Variants in PPIL1 observed in about 807,000 individuals in gnomAD.
The protein encoded by PPIL1 is peptidyl-prolyl cis-trans isomerase-like 1.
PPIL1 carries 14 observed loss-of-function variants against 19.4 expected under a neutral mutation model. The observed-to-expected ratio is 0.72, with a 90% CI of 0.48 to 1.13. The LOEUF is 1.13. Among genes scored for constraint, PPIL1 ranks in the 50% most tolerant of loss-of-function variants. PPIL1 has a pLI of 0.00. For missense variants in PPIL1, 192 were observed against 218.0 expected (o/e 0.88, Z 0.75); for synonymous variants, 72 against 73.6 (o/e 0.98, Z 0.11).
At chr6:36,868,160 T>A (rs142538653) in intron 2 of PPIL1, among the ~76,000 whole-genome samples, 8 of 152,068 alleles carry the variant, frequency 5.3e-5, no homozygotes, top group African/African-American at 1.7e-4. Flanking sequence ...AAAGACAAGA[T>A]AATACACCAC....
At chr6:36,873,165 A>G (rs1480202578) in intron 1 of PPIL1, among the ~76,000 whole-genome samples, 1 of 152,258 alleles carries the variant, frequency 6.6e-6, no homozygotes, top group Non-Finnish European at 1.5e-5. Context: ...TTGGAAAGAC[A>G]ATCAGGAAGT....
At chr6:36,873,048 A>T (rs1417489267) in intron 1 of PPIL1, among the ~76,000 whole-genome samples, 2 of 152,228 alleles carry the variant, frequency 1.3e-5, no homozygotes, top group East Asian at 3.8e-4. Flanking sequence ...TTCATCTTTC[A>T]CACTGCTCCC....
intron 2 of PPIL1, among the ~76,000 whole-genome samples, chr6:36,860,959 T>G (rs1395389423): frequency 6.6e-6 from 1 of 152,190 alleles, no homozygotes; most frequent in East Asian, 1.9e-4. Context: ...TCTGTAGTGT[T>G]CACCTCACTG....
Position 36,855,699 on chromosome 6 carries a change from A to G in PPIL1, c.*114T>C. ...ACTCACCCAAGATGCCAGGCCTCCT[A>G]AGCTTCATGACTTGCAAAGCCAAAA... is the stretch of plus-strand genomic sequence containing the variant. On this transcript the variant is annotated 3_prime_UTR_variant, in exon 4 of 4. Coordinates refer to ENST00000373699, the MANE Select transcript of PPIL1 (RefSeq NM_016059.5). 8.4e-6 allele frequency: 9 copies of G among 1,075,650 alleles called. No individual in the cohort carries two copies. Among genetic ancestry groups the G allele is most frequent in the Non-Finnish European group, 1.2e-5 (9 of 724,936 alleles). The allele number at this position is 1,075,650 out of a possible 1,614,324, so 66.6% of individuals were successfully genotyped here.
At chr6:36,859,249 AC>A (rs1774228428) in intron 2 of PPIL1, among the ~76,000 whole-genome samples, 1 of 151,942 alleles carries the variant, frequency 6.6e-6, no homozygotes, top group Non-Finnish European at 1.5e-5. Context: ...ACATGGTGAA[AC>A]CCCATCACTA....
chr6:36,858,098 G>A (rs1774204735), intron 2 of PPIL1, among the ~76,000 whole-genome samples: 1 of 151,808 alleles, frequency 6.6e-6, no homozygotes, highest in Admixed American at 6.6e-5. Context: ...GCCAGGCATG[G>A]TGGCACACAC....
chr6:36,864,768 G>A (rs182272091), intron 2 of PPIL1, among the ~76,000 whole-genome samples: 123 of 152,286 alleles, frequency 8.1e-4, no homozygotes, highest in Non-Finnish European at 1.4e-3. Context: ...ATAGTGCCTA[G>A]GTTGAGAAAT....
intron 3 of PPIL1, 23 bp from the exon 4 acceptor site, chr6:36,856,056 G>T (rs1046508565): frequency 6.2e-7 from 1 of 1,607,458 alleles, no homozygotes; most frequent in South Asian, 1.1e-5. Flanking sequence ...AGGAAGAAAG[G>T]AAAGAGTATA....
chr6:36,857,556 T>C (rs953233206), intron 2 of PPIL1, among the ~76,000 whole-genome samples: 3 of 151,974 alleles, frequency 2.0e-5, no homozygotes, highest in Non-Finnish European at 2.9e-5. Context: ...CGTCAAGCAA[T>C]CCTCCCTCCT....
intron 2 of PPIL1, among the ~76,000 whole-genome samples, chr6:36,865,701 C>T (rs1721446298): frequency 6.6e-6 from 1 of 152,202 alleles, no homozygotes; most frequent in South Asian, 2.1e-4. Flanking sequence ...ATATTATATA[C>T]ATAATCCACA....
rs144601681 is a variant in PPIL1, at chr6:36,857,759, A to G, written c.212-1105T>C. Among the ~76,000 whole-genome samples, 873 of 152,178 alleles carry G rather than the reference A, an allele frequency of 5.7e-3. 7 individuals are homozygous for G. Among genetic ancestry groups the G allele is most frequent in the African/African-American group, 0.02 (838 of 41,524 alleles). Reference sequence around the variant, plus strand: ...TGATCATGTCAGTATACTCCAGTCTAGGCAAGAGGCAAAACCTTGACTCTA... The same window carrying G: ...TGATCATGTCAGTATACTCCAGTCTGGGCAAGAGGCAAAACCTTGACTCTA... On this transcript the variant is annotated intron_variant, in intron 2 of 3. Coordinates refer to ENST00000373699, the MANE Select transcript of PPIL1 (RefSeq NM_016059.5).
chr6:36,859,639 G>T (rs553548285), intron 2 of PPIL1, among the ~76,000 whole-genome samples: 1 of 152,156 alleles, frequency 6.6e-6, no homozygotes, highest in South Asian at 2.1e-4. Context: ...CTCTGGGCAC[G>T]TGGAATAAGT....
intron 2 of PPIL1, among the ~76,000 whole-genome samples, chr6:36,871,344 T>C (rs1228942200): frequency 6.6e-6 from 1 of 152,262 alleles, no homozygotes; most frequent in Admixed American, 6.5e-5. Context: ...AATGAATCGA[T>C]AAAAGAACCC....
At chr6:36,861,070 C>T (rs966998906) in intron 2 of PPIL1, among the ~76,000 whole-genome samples, 8 of 151,990 alleles carry the variant, frequency 5.3e-5, no homozygotes. Flanking sequence ...TATTCTTATA[C>T]TGTCTCCGAA....
At chr6:36,865,784 T>C (rs188560788) in intron 2 of PPIL1, among the ~76,000 whole-genome samples, 5 of 152,366 alleles carry the variant, frequency 3.3e-5, no homozygotes, top group Non-Finnish European at 2.9e-5. Context: ...GTTTGTTTCC[T>C]GGCAGGGCAG....
chr6:36,858,511 C>T (rs1449832050), intron 2 of PPIL1: 3 of 152,434 alleles, frequency 2.0e-5, no homozygotes, highest in Non-Finnish European at 2.9e-5. Flanking sequence ...AGTCCACCCC[C>T]AAGGCCCCTG....
intron 2 of PPIL1, among the ~76,000 whole-genome samples, chr6:36,871,296 T>C (rs942139783): frequency 6.6e-6 from 1 of 152,236 alleles, no homozygotes; most frequent in African/African-American, 2.4e-5. Flanking sequence ...CTTAAAAAAG[T>C]ATCTGACACA....
At position 36,855,697 on chromosome 6, in the gene PPIL1, C is replaced by T; in HGVS notation, c.*116G>A. 9.4e-7 allele frequency: 1 copy of T among 1,066,876 alleles called. No individual in the cohort carries two copies. Among genetic ancestry groups the T allele is most frequent in the Non-Finnish European group, 1.4e-6 (1 of 718,122 alleles). The allele number at this position is 1,066,876 out of a possible 1,614,324, so 66.1% of individuals were successfully genotyped here. ...TAACTCACCCAAGATGCCAGGCCTC[C>T]TAAGCTTCATGACTTGCAAAGCCAA... is the stretch of plus-strand genomic sequence containing the variant. On this transcript the variant is annotated 3_prime_UTR_variant, in exon 4 of 4. Transcript: ENST00000373699.
intron 2 of PPIL1, among the ~76,000 whole-genome samples, chr6:36,869,961 G>A (rs535761189): frequency 3.9e-5 from 6 of 152,104 alleles, no homozygotes; most frequent in Non-Finnish European, 8.8e-5. Flanking sequence ...AGTTAACACT[G>A]TTCCTTTCTG....
Sources: allele counts gnomAD v4.1 joint callset (sites outside exome capture counted in the v4.1 genomes callset), GRCh38; gene constraint gnomAD v4.1.1; transcripts MANE v1.5; gene names NCBI Gene and HGNC (gene_info 2026-07-23, HGNC 2026-07-21).